The following PLOD3 variants were observed in gnomAD, a reference collection of about 807,000 sequenced individuals.
PLOD3 encodes the protein procollagen-lysine,2-oxoglutarate 5-dioxygenase 3.
A neutral mutation model predicts 96.9 loss-of-function variants in PLOD3; 73 were observed. The observed-to-expected ratio is 0.75, with a 90% CI of 0.62 to 0.92. PLOD3 has a LOEUF of 0.92. Among genes scored for constraint, PLOD3 ranks in the 40% least tolerant of loss-of-function variants. The probability of loss-of-function intolerance (pLI) is 0.00; values close to 1 mark genes in which losing one functional copy is unlikely to be tolerated. For synonymous variants in PLOD3, 454 were observed against 413.7 expected (o/e 1.10, Z -1.18); for missense variants, 1,004 against 1,004.3 (o/e 1.00, Z 0.00).
rs1584257219 is a variant in PLOD3 at position 101,217,225 on chromosome 7, A to AGCAGCG, written c.44_49dup (p.Pro15_Leu16dup). On this transcript the variant is annotated inframe_insertion, in exon 1 of 19. Coordinates refer to ENST00000223127, the MANE Select transcript of PLOD3 (RefSeq NM_001084.5). ...GGAGGCTGAGGCCGCAGGGGGCAGC[A>AGCAGCG]GCAGCGGCAGCAGCAGCAGGAACCG... 6.7e-7 allele frequency: 1 copy of AGCAGCG among 1,498,764 alleles called. No homozygotes were observed. Among genetic ancestry groups the AGCAGCG allele is most frequent in the Non-Finnish European group, 8.9e-7 (1 of 1,125,328 alleles). The allele number at this position is 1,498,764 out of a possible 1,614,324, so 92.8% of individuals were successfully genotyped here.
In PLOD3 at chr7:101,213,100, G is replaced by A. The variant is rs371434368; in HGVS notation, c.777+7C>T. 1.5e-5 allele frequency: 24 copies of A among 1,597,074 alleles called. No individual in the cohort carries two copies. In the African/African-American group the frequency reaches 3.0e-4, roughly 20 times the overall value. On this transcript the variant is annotated splice_region_variant and intron_variant, in intron 7 of 18. Coordinates refer to ENST00000223127, the MANE Select transcript of PLOD3 (RefSeq NM_001084.5). Reference sequence around the variant, plus strand: ...GGCGGGGCGGGGGTTGAGACCACTGGTGGCACCTTAGTGGGACCGTTTCCA... The same window carrying A: ...GGCGGGGCGGGGGTTGAGACCACTGATGGCACCTTAGTGGGACCGTTTCCA...
At chr7:101,209,819 G>A in intron 15 of PLOD3, 1 of 392,228 alleles carries the variant, frequency 2.5e-6, no homozygotes, top group South Asian at 5.0e-5. Flanking sequence ...GGGATTACAG[G>A]CATGAGCCAC....
chr7:101,213,982 A>G (rs1467897572), intron 6 of PLOD3, among the ~76,000 whole-genome samples: 1 of 151,986 alleles, frequency 6.6e-6, no homozygotes, highest in Non-Finnish European at 1.5e-5. Context: ...TACAAGCATG[A>G]GCCACCACAC....
chr7:101,211,783 A>C (rs913993753), intron 11 of PLOD3, 63 bp downstream of exon 11: 3 of 1,587,968 alleles, frequency 1.9e-6, no homozygotes, highest in Non-Finnish European at 2.6e-6. Flanking sequence ...TGCCCAGGGC[A>C]GGAGTGGGGT....
At chr7:101,210,266 G>T in intron 14 of PLOD3, 65 bp downstream of exon 14, 1 of 1,516,684 alleles carries the variant, frequency 6.6e-7, no homozygotes, top group Non-Finnish European at 9.1e-7. Context: ...CAGCCATCAC[G>T]TTTGGTGTCT....
At position 101,212,372 on chromosome 7, in the gene PLOD3, C is replaced by T; in HGVS notation, c.1008G>A (p.Glu336=). Residue 336 remains glutamate (E), a splice_region_variant and synonymous_variant, in exon 10 of 19, where the codon GAG becomes GAA. Transcript: ENST00000223127. ...CAGCGATGTGGGGTTCATGGAAGAC[C>T]TCCTGGGAGGGGAAGACATAGGGGG... is the stretch of plus-strand genomic sequence containing the variant. ...DRVTLFLHNN[E]VFHEPHIADS... is the part of the protein sequence containing the mutation. The T allele has an allele frequency of 2.5e-6, 4 of 1,613,452 alleles. No homozygotes were observed. Among genetic ancestry groups the T allele is most frequent in the Non-Finnish European group, 3.4e-6 (4 of 1,179,830 alleles).
Position 101,216,318 on chromosome 7 carries a change from A to G in PLOD3, c.347T>C (p.Val116Ala). Residue 116 changes from valine (V) to alanine (A), a missense_variant, in exon 4 of 19, where the codon GTG becomes GCG. Around this residue, in one of 5 missense-constraint regions of PLOD3, gnomAD observed 690 missense variants for 650.2 expected, o/e 1.06. Coordinates refer to ENST00000223127, the MANE Select transcript of PLOD3 (RefSeq NM_001084.5). Reference protein sequence around the residue: ...MIIMFVDSYDVILAGSPTELL... With the variant: ...MIIMFVDSYDAILAGSPTELL... ...CTCTGTGGGGCTGCCGGCCAGAATC[A>G]CGTCGTAGCTGGGTGAGGAAGGGGA... 1.2e-6 allele frequency: 2 copies of G among 1,613,370 alleles called. No individual in the cohort carries two copies. Among genetic ancestry groups the G allele is most frequent in the Non-Finnish European group, 1.7e-6 (2 of 1,180,002 alleles).
rs776635341 is a variant in PLOD3, at chr7:101,211,587, T to C, written c.1358+4A>G. The C allele has an allele frequency of 1.3e-6, 2 of 1,598,128 alleles. No homozygotes were observed. Among genetic ancestry groups the C allele is most frequent in the East Asian group, 2.3e-5 (1 of 44,240 alleles). On this transcript the variant is annotated splice_donor_region_variant and intron_variant, in intron 12 of 18. Coordinates refer to ENST00000223127, the MANE Select transcript of PLOD3 (RefSeq NM_001084.5). ...GCGGGGGGCTGCAGGCTGGCGGGACTCACACTCGCTTCCGCTGCACCAGCT... is the reference window on the plus strand; with the variant it reads ...GCGGGGGGCTGCAGGCTGGCGGGACCCACACTCGCTTCCGCTGCACCAGCT...
At position 101,212,429 on chromosome 7, in the gene PLOD3, A is replaced by T. The variant is rs1281828257; in HGVS notation, c.1006-55T>A. 2.1e-5 allele frequency: 32 copies of T among 1,547,906 alleles called. No individual in the cohort carries two copies. The Admixed American group carries it at 5.5e-4, about 26-fold the overall frequency. The stretch of plus-strand genomic sequence containing the variant: ...TCAGAGGGCAGGGAGGCGGCACCTG[A>T]GGGATGGGGGTGCAGGAAGGAGATG... On this transcript the variant is annotated intron_variant, in intron 9 of 18. Transcript: ENST00000223127.
rs1306237288 is a variant in PLOD3, at chr7:101,212,925, C to T, written c.796G>A (p.Gly266Arg). Reference protein sequence around the residue: ...GPTKLQLNYLGNYVPNGWTPE... With the variant: ...GPTKLQLNYLRNYVPNGWTPE... ...GTCCAGCCATTGGGGACGTAGTTTCCCAGGTAGTTGAGCTGCAGCTGTTGG... is the reference window on the plus strand; with the variant it reads ...GTCCAGCCATTGGGGACGTAGTTTCTCAGGTAGTTGAGCTGCAGCTGTTGG... The change falls in exon 8 of 19, where the codon GGA becomes AGA. Residue 266 changes from glycine to arginine, a missense_variant. Coordinates refer to ENST00000223127, the MANE Select transcript of PLOD3 (RefSeq NM_001084.5). The T allele has an allele frequency of 3.7e-6, 6 of 1,613,514 alleles. No individual in the cohort carries two copies. The highest frequency in any genetic ancestry group is 5.1e-6 in the Non-Finnish European group (6 of 1,179,556).
chr7:101,211,475 C>G, intron 12 of PLOD3, 116 bp downstream of exon 12: 1 of 1,102,602 alleles, frequency 9.1e-7, no homozygotes, highest in East Asian at 2.6e-5. Flanking sequence ...GCCACTGCAG[C>G]CAGCCTCATG....
In PLOD3 at chr7:101,206,874, A is replaced by G. The variant is rs145574810; in HGVS notation, c.1966T>C (p.Tyr656His). 175 of 1,560,088 alleles carry G rather than the reference A, an allele frequency of 1.1e-4. No individual in the cohort carries two copies. Among genetic ancestry groups the G allele is most frequent in the Non-Finnish European group, 1.4e-4 (166 of 1,151,608 alleles). Reference sequence around the variant, plus strand: ...AGAGACGGCTGCTCGTCTGGCCGGTAGCGAACCACAAAGTTCATCACCGCC... The same window carrying G: ...AGAGACGGCTGCTCGTCTGGCCGGTGGCGAACCACAAAGTTCATCACCGCC... ...ARAVMNFVVR[Y>H]RPDEQPSLRP... The change falls in exon 18 of 19, where the codon TAC (tyrosine) becomes CAC (histidine). Residue 656 changes from tyrosine (Y) to histidine (H), a missense_variant. Transcript: ENST00000223127.
At chr7:101,212,097 G>A in intron 10 of PLOD3, 147 bp from the exon 11 acceptor site, 2 of 1,105,580 alleles carry the variant, frequency 1.8e-6, no homozygotes, top group South Asian at 2.6e-5. Flanking sequence ...GCTGGCAAGG[G>A]CAGGAGTGAC....
intron 6 of PLOD3, 96 bp downstream of exon 6, chr7:101,214,993 T>C: frequency 3.3e-6 from 3 of 919,014 alleles, no homozygotes; most frequent in African/African-American, 1.6e-5. Flanking sequence ...AGAGGTGGGC[T>C]TGGATCAGCC....
Position 101,206,827 on chromosome 7 carries a change from G to T in PLOD3, c.2013C>A (p.Ser671=). ...TGAGGGCAACGTTGAGGGTGAAGGT[G>T]GATGAGTCGTGGTGTGGCCGCAGAG... ...QPSLRPHHDS[S]TFTLNVALNH... Residue 671 remains serine (S), a synonymous_variant, in exon 18 of 19, where the codon TCC becomes TCA. Transcript: ENST00000223127. 6.3e-7 allele frequency: 1 copy of T among 1,578,318 alleles called. No individual in the cohort carries two copies.
Position 101,216,830 on chromosome 7 carries a change from C to G in PLOD3, c.110-44G>C, listed in dbSNP as rs776487862. On this transcript the variant is annotated intron_variant, in intron 1 of 18. Transcript: ENST00000223127. ...GGCACTTGAGATCCACCGCCCAGCT[C>G]CGGGCCTCACGTGCTTTGCTGTCCT... The G allele has an allele frequency of 2.2e-5, 29 of 1,334,214 alleles. No homozygotes were observed. The East Asian group carries it at 6.8e-4, about 31-fold the overall frequency. The allele number at this position is 1,334,214 out of a possible 1,614,324, so 82.6% of individuals were successfully genotyped here.
intron 15 of PLOD3, 164 bp downstream of exon 15, chr7:101,209,929 G>C (rs1798154882): frequency 1.7e-6 from 1 of 593,112 alleles, no homozygotes; most frequent in Admixed American, 3.0e-5. Context: ...GCTGGCTTTG[G>C]GGGCAAGAGT....
In PLOD3 at chr7:101,216,571, A is replaced by G. The variant is rs747075482; in HGVS notation, c.202-25T>C. 2.0e-5 allele frequency: 33 copies of G among 1,613,618 alleles called. No individual in the cohort carries two copies. In the South Asian group the frequency reaches 3.5e-4, roughly 17 times the overall value. Reference sequence around the variant, plus strand: ...TCTGTGGAGAAGATTGCCCCGTGCCAGGCAAGGGGTGGGGAGTTGTGGGGG... The same window carrying G: ...TCTGTGGAGAAGATTGCCCCGTGCCGGGCAAGGGGTGGGGAGTTGTGGGGG... On this transcript the variant is annotated intron_variant, in intron 2 of 18. Coordinates refer to ENST00000223127, the MANE Select transcript of PLOD3 (RefSeq NM_001084.5).
intron 6 of PLOD3, among the ~76,000 whole-genome samples, chr7:101,214,132 CTT>C (rs201288319): frequency 1.4e-5 from 2 of 141,968 alleles, no homozygotes; most frequent in Admixed American, 7.1e-5. Flanking sequence ...CGCACCTGGC[CTT>C]TTTTTTTTTT....
Sources: allele counts gnomAD v4.1 joint callset (sites outside exome capture counted in the v4.1 genomes callset), GRCh38; gene constraint gnomAD v4.1.1; regional missense constraint gnomAD v4.1.1; transcripts MANE v1.5; gene names NCBI Gene and HGNC (gene_info 2026-07-23, HGNC 2026-07-21).